Variants in BCR observed in about 807,000 individuals in gnomAD.
BCR encodes the protein BCR activator of RhoGEF and GTPase, also known as breakpoint cluster region protein.
A neutral mutation model predicts 138.6 loss-of-function variants in BCR; 58 were observed. The observed-to-expected ratio is 0.42, with a 90% CI of 0.34 to 0.52. The LOEUF is 0.52. Among genes scored for constraint, BCR ranks in the 20% least tolerant of loss-of-function variants. BCR has a pLI of 0.06. For missense variants in BCR, 1,599 were observed against 1,727.2 expected (o/e 0.93, Z 1.32); for synonymous variants, 786 against 730.1 (o/e 1.08, Z -1.23).
At chr22:23,267,789 C>T (rs2146283709) in intron 4 of BCR, among the ~76,000 whole-genome samples, 2 of 152,294 alleles carry the variant, frequency 1.3e-5, no homozygotes, top group South Asian at 4.1e-4. Context: ...CTATTATTGC[C>T]ATTGGTTTAA....
intron 16 of BCR, among the ~76,000 whole-genome samples, chr22:23,296,712 C>G (rs966874547): frequency 6.6e-6 from 1 of 152,192 alleles, no homozygotes; most frequent in Admixed American, 6.5e-5. Context: ...GACGCTGAAG[C>G]GAGAGGATTG....
chr22:23,186,439 G>A (rs2072343245), intron 1 of BCR, among the ~76,000 whole-genome samples: 1 of 152,174 alleles, frequency 6.6e-6, no homozygotes, highest in Admixed American at 6.5e-5. Flanking sequence ...TATCCATACA[G>A]TTCTGTGGTG....
At chr22:23,314,172 C>T in intron 21 of BCR, 99 bp downstream of exon 21, 1 of 979,744 alleles carries the variant, frequency 1.0e-6, no homozygotes, top group Non-Finnish European at 1.6e-6. Context: ...GACCTTTTCT[C>T]CTGACCCTTG....
chr22:23,238,097 A>G (rs1338055632), intron 1 of BCR, among the ~76,000 whole-genome samples: 1 of 152,042 alleles, frequency 6.6e-6, no homozygotes, highest in South Asian at 2.1e-4. Flanking sequence ...ATTGGTGGGA[A>G]CATTGAGAGA....
intron 1 of BCR, among the ~76,000 whole-genome samples, chr22:23,201,213 G>T (rs2072550003): frequency 6.6e-6 from 1 of 152,214 alleles, no homozygotes; most frequent in Admixed American, 6.5e-5. Flanking sequence ...AGCAGAGCTG[G>T]CTCCTCTGCT....
intron 1 of BCR, among the ~76,000 whole-genome samples, chr22:23,220,347 A>G (rs958391930): frequency 6.6e-6 from 1 of 152,162 alleles, no homozygotes; most frequent in African/African-American, 2.4e-5. Context: ...CTTATCTTGG[A>G]GAAGCCAGAG....
In BCR at chr22:23,314,687, C is replaced by T. The variant is rs777091803; in HGVS notation, c.3699C>T (p.Asp1233=). 6.2e-7 allele frequency: 1 copy of T among 1,611,822 alleles called. No individual in the cohort carries two copies. The highest frequency in any genetic ancestry group is 1.3e-5 in the African/African-American group (1 of 74,848). Reference sequence around the variant, plus strand: ...CCAGCCAGCCTATCACCATGACTGACAGCTGGTCCTTGGAGGTCATGTCCC... The same window carrying T: ...CCAGCCAGCCTATCACCATGACTGATAGCTGGTCCTTGGAGGTCATGTCCC... The part of the protein sequence containing the change: ...ANPSQPITMT[D]SWSLEVMSQV... The change falls in exon 22 of 23, where the codon GAC becomes GAT. Residue 1233 remains aspartate (D), a synonymous_variant. Coordinates refer to ENST00000305877, the MANE Select transcript of BCR (RefSeq NM_004327.4).
rs1158263702 is a variant in BCR at position 23,293,448 on chromosome 22, T to C, written c.2880+810T>C. 2.0e-5 allele frequency among the ~76,000 whole-genome samples: 3 copies of C among 152,188 alleles called. No individual in the cohort carries two copies. In the East Asian group the frequency reaches 5.8e-4, roughly 29 times the overall value. Reference sequence around the variant, plus strand: ...AGCATCCACTACTCTTTGATCATTTTAGACATGTTGCTTGAATAGTACAAG... The same window carrying C: ...AGCATCCACTACTCTTTGATCATTTCAGACATGTTGCTTGAATAGTACAAG... On this transcript the variant is annotated intron_variant, in intron 15 of 22. Transcript: ENST00000305877.
chr22:23,262,318 T>C (rs1456110228), intron 4 of BCR, among the ~76,000 whole-genome samples: 1 of 152,138 alleles, frequency 6.6e-6, no homozygotes, highest in Non-Finnish European at 1.5e-5. Flanking sequence ...GGCCTCCCCT[T>C]GGCTGGTGCT....
chr22:23,185,342 G>T (rs2072325790), intron 1 of BCR, among the ~76,000 whole-genome samples: 1 of 152,162 alleles, frequency 6.6e-6, no homozygotes. Context: ...TGGGGGTAAT[G>T]ATAGACGGCT....
intron 9 of BCR, among the ~76,000 whole-genome samples, chr22:23,284,708 G>C (rs74871486): frequency 1.1e-4 from 17 of 152,314 alleles, no homozygotes; most frequent in Non-Finnish European, 2.2e-4. Context: ...CGGCCCTGGG[G>C]GTGGATTTCA....
chr22:23,289,962 C>T (rs576904504), intron 13 of BCR: 9 of 503,924 alleles, frequency 1.8e-5, no homozygotes, highest in East Asian at 1.4e-4. Context: ...ACCTGCCAGC[C>T]GGCACTTTTG....
intron 1 of BCR, among the ~76,000 whole-genome samples, chr22:23,197,992 G>T (rs929846372): frequency 1.3e-5 from 2 of 152,180 alleles, no homozygotes; most frequent in Non-Finnish European, 2.9e-5. Context: ...ACAGAAGCGT[G>T]GGTTGCGGAG....
intron 5 of BCR, among the ~76,000 whole-genome samples, chr22:23,269,876 G>A (rs1046181408): frequency 6.6e-6 from 1 of 152,176 alleles, no homozygotes; most frequent in Non-Finnish European, 1.5e-5. Flanking sequence ...TTCTGCAGAG[G>A]AGGGAGGAAA....
At chr22:23,197,403 A>C (rs1405208033) in intron 1 of BCR, among the ~76,000 whole-genome samples, 1 of 152,216 alleles carries the variant, frequency 6.6e-6, no homozygotes, top group Non-Finnish European at 1.5e-5. Flanking sequence ...TAAAATATAA[A>C]TGCTTTGTAA....
intron 16 of BCR, among the ~76,000 whole-genome samples, chr22:23,308,683 T>C (rs1214577815): frequency 1.3e-5 from 2 of 152,164 alleles, no homozygotes; most frequent in African/African-American, 2.4e-5. Flanking sequence ...CAGGAACCGC[T>C]GACATAGAAC....
At chr22:23,297,178 A>T (rs1032901894) in intron 16 of BCR, among the ~76,000 whole-genome samples, 2 of 148,070 alleles carry the variant, frequency 1.4e-5, no homozygotes, top group African/African-American at 5.0e-5. Context: ...TTGGGATTAC[A>T]GTCGTGCCCC....
At position 23,315,485 on chromosome 22, in the gene BCR, G is replaced by T. The variant is rs2074060443; in HGVS notation, c.3779G>T (p.Ser1260Ile). ...LQLEAIPAPD[S>I]KRQSILFSTE... ...CTGGAGGCCATCCCTGCCCCGGACAGCAAGAGACAGAGCATCCTGTTCTCC... is the reference window on the plus strand; with the variant it reads ...CTGGAGGCCATCCCTGCCCCGGACATCAAGAGACAGAGCATCCTGTTCTCC... Residue 1260 changes from serine (S) to isoleucine (I), a missense_variant, in exon 23 of 23, where the codon AGC (serine) becomes ATC (isoleucine). By Grantham distance (142) the Ser-to-Ile change is moderately radical. Transcript: ENST00000305877. The T allele has an allele frequency of 6.2e-7, 1 of 1,612,774 alleles. No individual in the cohort carries two copies. Among genetic ancestry groups the T allele is most frequent in the African/African-American group, 1.3e-5 (1 of 74,912 alleles).
intron 5 of BCR, among the ~76,000 whole-genome samples, chr22:23,270,806 C>T (rs1243707151): frequency 6.6e-6 from 1 of 152,252 alleles, no homozygotes; most frequent in African/African-American, 2.4e-5. Context: ...TTATTCTGCA[C>T]TTCTCCAGTG....
Sources: gnomAD v4.1 joint callset for allele counts (sites outside exome capture counted in the v4.1 genomes callset) on GRCh38, gnomAD v4.1.1 for gene constraint, MANE v1.5 for transcripts, NCBI Gene and HGNC (gene_info 2026-07-23, HGNC 2026-07-21) for gene names.